SLC9C2: variants seen among roughly 807,000 people sequenced by gnomAD.
SLC9C2 encodes the protein sodium/hydrogen exchanger 11.
In SLC9C2, 75 loss-of-function variants were observed where a neutral mutation model predicts 140.2. The observed-to-expected ratio is 0.53, with a 90% CI of 0.44 to 0.65. The LOEUF (loss-of-function observed/expected upper bound fraction) is 0.65, where lower values mean the gene tolerates loss of function less well. SLC9C2 is among the 30% of genes least tolerant of loss of function. The pLI, the probability that SLC9C2 is intolerant of heterozygous loss-of-function variation, is 0.00. For missense variants in SLC9C2, 1,074 were observed against 1,331.8 expected (o/e 0.81, Z 3.01); for synonymous variants, 375 against 420.9 (o/e 0.89, Z 1.34).
At chr1:173,559,932 C>T (rs1663983952) in intron 9 of SLC9C2, among the ~76,000 whole-genome samples, 1 of 152,156 alleles carries the variant, frequency 6.6e-6, no homozygotes, top group Non-Finnish European at 1.5e-5. Context: ...CGTCCCCTTC[C>T]TGTTTGTCAT....
chr1:173,516,857 ACTT>A (rs1451605067), intron 23 of SLC9C2, among the ~76,000 whole-genome samples: 7 of 152,146 alleles, frequency 4.6e-5, no homozygotes, highest in Non-Finnish European at 5.9e-5. Context: ...GGTCAATGGT[ACTT>A]CTGTCTTTAG....
intron 12 of SLC9C2, 65 bp downstream of exon 12, chr1:173,548,324 C>A: frequency 6.7e-7 from 1 of 1,486,144 alleles, no homozygotes; most frequent in Non-Finnish European, 9.2e-7. Flanking sequence ...TAACAATAGG[C>A]TAAAGCAAGT....
intron 5 of SLC9C2, among the ~76,000 whole-genome samples, chr1:173,585,204 T>G (rs187862089): frequency 4.5e-4 from 68 of 152,292 alleles, no homozygotes; most frequent in African/African-American, 1.4e-3. Context: ...GACAATTTCC[T>G]TTTAACTTAC....
At position 173,573,924 on chromosome 1, in the gene SLC9C2, C is replaced by T. The variant is rs187664562; in HGVS notation, c.903-599G>A. On this transcript the variant is annotated intron_variant, in intron 8 of 27. Transcript: ENST00000367714. ...GAGGTGGTCCTGCTCTGAATTCCTA[C>T]GGTGCTGACTGTCTGCACTAATGTA... 2.1e-3 allele frequency among the ~76,000 whole-genome samples: 315 copies of T among 152,316 alleles called. 2 individuals are homozygous for T. The highest frequency in any genetic ancestry group is 7.1e-3 in the African/African-American group (297 of 41,550).
chr1:173,573,807 G>T (rs1664991071), intron 8 of SLC9C2, among the ~76,000 whole-genome samples: 1 of 152,174 alleles, frequency 6.6e-6, no homozygotes, highest in Non-Finnish European at 1.5e-5. Flanking sequence ...AGTCTCTCCT[G>T]TCTGCTTTCC....
Position 173,533,794 on chromosome 1 carries a change from T to C in SLC9C2, c.1978A>G (p.Ile660Val), listed in dbSNP as rs1661756286. ...LYVLESTLKI[I>V]ILKRKYFQQC... ...TGAAAATATTTCCTTTTCAAAATTA[T>C]TATCTGTACAGAAAACAAATGTCAT... is the stretch of plus-strand genomic sequence containing the variant. Residue 660 changes from isoleucine to valine, a missense_variant, in exon 17 of 28, where the codon ATA becomes GTA. By Grantham distance (29) the Ile-to-Val change is conservative. Coordinates refer to ENST00000367714, the MANE Select transcript of SLC9C2 (RefSeq NM_178527.4). 1.9e-6 allele frequency: 3 copies of C among 1,600,860 alleles called. No homozygotes were observed. Among genetic ancestry groups the C allele is most frequent in the Non-Finnish European group, 2.6e-6 (3 of 1,172,480 alleles).
At chr1:173,586,880 G>C (rs1665884311) in intron 5 of SLC9C2, among the ~76,000 whole-genome samples, 1 of 152,126 alleles carries the variant, frequency 6.6e-6, no homozygotes, top group Admixed American at 6.6e-5. Flanking sequence ...GGCCTGTTGG[G>C]GGGTGGAGGT....
chr1:173,580,417 T>A (rs1571607886), intron 7 of SLC9C2, among the ~76,000 whole-genome samples: 1 of 152,080 alleles, frequency 6.6e-6, no homozygotes, highest in East Asian at 1.9e-4. Context: ...AATGGCATGA[T>A]CTTGGCTCAC....
At chr1:173,587,501 C>T (rs1665920610) in intron 5 of SLC9C2, among the ~76,000 whole-genome samples, 164 bp downstream of exon 5, 2 of 151,988 alleles carry the variant, frequency 1.3e-5, no homozygotes, top group Non-Finnish European at 2.9e-5. Flanking sequence ...GTCTTATTTG[C>T]ACTGTCTCCT....
intron 13 of SLC9C2, among the ~76,000 whole-genome samples, chr1:173,540,167 C>T (rs1171816253): frequency 3.9e-5 from 6 of 152,030 alleles, no homozygotes; most frequent in African/African-American, 1.5e-4. Context: ...ACAGAATAGG[C>T]CATAGAGGGG....
chr1:173,506,208 C>A (rs1490927904), intron 25 of SLC9C2, among the ~76,000 whole-genome samples: 2 of 152,234 alleles, frequency 1.3e-5, no homozygotes, highest in Admixed American at 6.5e-5. Flanking sequence ...GAGAAAAGGT[C>A]TCTCCCATAA....
intron 13 of SLC9C2, among the ~76,000 whole-genome samples, chr1:173,543,409 C>T (rs1015476310): frequency 6.6e-6 from 1 of 152,112 alleles, no homozygotes; most frequent in Non-Finnish European, 1.5e-5. Context: ...GAATCAATAT[C>T]GTGAAAATGG....
intron 23 of SLC9C2, among the ~76,000 whole-genome samples, chr1:173,510,941 C>A (rs1039360109): frequency 6.6e-6 from 1 of 151,606 alleles, no homozygotes; most frequent in Non-Finnish European, 1.5e-5. Context: ...AACTAATTTA[C>A]ATTCCCACCA....
intron 13 of SLC9C2, among the ~76,000 whole-genome samples, chr1:173,538,371 G>A (rs1163794613): frequency 1.3e-5 from 2 of 152,114 alleles, no homozygotes; most frequent in Non-Finnish European, 2.9e-5. Flanking sequence ...AGTAGGCCTG[G>A]ATCAAGAAAA....
At chr1:173,563,741 G>C (rs963024470) in intron 9 of SLC9C2, among the ~76,000 whole-genome samples, 30 of 151,886 alleles carry the variant, frequency 2.0e-4, no homozygotes, top group African/African-American at 7.0e-4. Context: ...ATTTTTAATT[G>C]TACAATTAAA....
At chr1:173,502,224 G>T (rs994392205) in intron 27 of SLC9C2, among the ~76,000 whole-genome samples, 1 of 143,948 alleles carries the variant, frequency 6.9e-6, no homozygotes. Flanking sequence ...AGTGAGTCAA[G>T]GTTGTGCCAA....
rs575689446 is a variant in SLC9C2 at position 173,522,955 on chromosome 1, G to A, written c.2640+1014C>T. 9.9e-5 allele frequency among the ~76,000 whole-genome samples: 15 copies of A among 152,258 alleles called. No homozygotes were observed. The East Asian group carries it at 1.7e-3, about 18-fold the overall frequency. Reference sequence around the variant, plus strand: ...CTTATTAGAGCAGCCTTCCATGGCCGCTCTGTGTTACCTTTTCTCCCCTTA... The same window carrying A: ...CTTATTAGAGCAGCCTTCCATGGCCACTCTGTGTTACCTTTTCTCCCCTTA... On this transcript the variant is annotated intron_variant, in intron 21 of 27. Coordinates refer to ENST00000367714, the MANE Select transcript of SLC9C2 (RefSeq NM_178527.4).
At chr1:173,507,073 C>A (rs199855437) in intron 24 of SLC9C2, 32 bp from the exon 25 acceptor site, 1 of 1,463,940 alleles carries the variant, frequency 6.8e-7, no homozygotes, top group South Asian at 1.3e-5. Context: ...GAAAATAAGT[C>A]ATACAAACTG....
intron 13 of SLC9C2, among the ~76,000 whole-genome samples, chr1:173,542,889 C>A (rs1662540668): frequency 6.6e-6 from 1 of 152,114 alleles, no homozygotes; most frequent in Non-Finnish European, 1.5e-5. Flanking sequence ...CATGACAAAC[C>A]CACAGCAGTA....
Sources: gnomAD v4.1 joint callset for allele counts (sites outside exome capture counted in the v4.1 genomes callset) on GRCh38, gnomAD v4.1.1 for gene constraint, MANE v1.5 for transcripts, NCBI Gene and HGNC (gene_info 2026-07-23, HGNC 2026-07-21) for gene names.